Variants in ATAD1 observed in about 807,000 individuals in gnomAD.
ATAD1 encodes the protein ATPase family AAA domain containing 1, also known as outer mitochondrial transmembrane helix translocase.
Under a neutral mutation model 42.7 loss-of-function variants are expected in ATAD1, and 18 were observed. The observed-to-expected ratio is 0.42, with a 90% CI of 0.29 to 0.63. The LOEUF (loss-of-function observed/expected upper bound fraction) is 0.63, where lower values mean the gene tolerates loss of function less well. Among genes scored for constraint, ATAD1 ranks in the 20% least tolerant of loss-of-function variants. The probability of loss-of-function intolerance (pLI) is 0.19; values close to 1 mark genes in which losing one functional copy is unlikely to be tolerated. For synonymous variants in ATAD1, 132 were observed against 143.1 expected (o/e 0.92, Z 0.55); for missense variants, 294 against 440.4 (o/e 0.67, Z 2.98).
intron 1 of ATAD1, among the ~76,000 whole-genome samples, chr10:87,829,981 C>T (rs756799115): frequency 6.6e-6 from 1 of 152,144 alleles, no homozygotes; most frequent in Non-Finnish European, 1.5e-5. Context: ...CAAACAGCAT[C>T]ACATACTGCA....
chr10:87,803,871 A>G (rs947172993), intron 2 of ATAD1, among the ~76,000 whole-genome samples: 63 of 152,232 alleles, frequency 4.1e-4, no homozygotes, highest in African/African-American at 1.5e-3. Context: ...CCCAGCTCCT[A>G]TTGCTTTTCT....
intron 5 of ATAD1, among the ~76,000 whole-genome samples, chr10:87,783,806 T>C (rs1855684881): frequency 6.6e-6 from 1 of 151,858 alleles, no homozygotes; most frequent in Non-Finnish European, 1.5e-5. Context: ...CTATCTCATG[T>C]TATATATAAT....
intron 1 of ATAD1, among the ~76,000 whole-genome samples, chr10:87,835,804 A>C (rs1857919098): frequency 6.6e-6 from 1 of 151,326 alleles, no homozygotes; most frequent in Non-Finnish European, 1.5e-5. Context: ...TTAGTTTTTG[A>C]CTATGTGTCC....
intron 1 of ATAD1, among the ~76,000 whole-genome samples, chr10:87,830,170 C>T (rs745577333): frequency 1.3e-5 from 2 of 152,106 alleles, no homozygotes; most frequent in Non-Finnish European, 2.9e-5. Context: ...AGTGGGAAAG[C>T]AAATGCAAGC....
chr10:87,775,514 TA>T (rs5786793), intron 6 of ATAD1, among the ~76,000 whole-genome samples: 4,986 of 110,532 alleles, frequency 0.045, 122 homozygotes, highest in Non-Finnish European at 0.061. Context: ...AGTGATTCAT[TA>T]AAAAAAAAAA....
intron 2 of ATAD1, among the ~76,000 whole-genome samples, chr10:87,809,634 T>C (rs1857086659): frequency 6.6e-6 from 1 of 150,772 alleles, no homozygotes. Context: ...TTTTTTTTAT[T>C]TATTAATTTT....
At chr10:87,796,049 GA>G (rs1176834552) in intron 2 of ATAD1, among the ~76,000 whole-genome samples, 1 of 152,084 alleles carries the variant, frequency 6.6e-6, no homozygotes, top group Non-Finnish European at 1.5e-5. Context: ...CAAGGATTCT[GA>G]GTATGTAAGT....
At chr10:87,828,937 A>G (rs769075405) in intron 1 of ATAD1, among the ~76,000 whole-genome samples, 1 of 152,228 alleles carries the variant, frequency 6.6e-6, no homozygotes. Flanking sequence ...TAAGTTCACT[A>G]TTGAGACCTA....
In ATAD1 at chr10:87,751,734, A is replaced by G. The variant is rs1854030480; in HGVS notation, c.*2953T>C. On this transcript the variant is annotated 3_prime_UTR_variant, in exon 10 of 10. Transcript: ENST00000680024. ...CAGCTCTAGATGGAATTATTCTATG[A>G]CTTCATTTGAAGCACCCAGTTGGTG... The G allele has an allele frequency of 6.6e-6, 1 of 152,198 alleles. No homozygotes were observed. Among genetic ancestry groups the G allele is most frequent in the Non-Finnish European group, 1.5e-5 (1 of 68,022 alleles). 9.4% of individuals were successfully genotyped at this position (152,198 alleles called of 1,614,324 possible). A position where few individuals can be genotyped will look rare whatever the true frequency, so the allele number is the denominator to read the frequency against.
chr10:87,808,793 A>G (rs1395912575), intron 2 of ATAD1, among the ~76,000 whole-genome samples: 1 of 152,158 alleles, frequency 6.6e-6, no homozygotes, highest in Non-Finnish European at 1.5e-5. Flanking sequence ...TTTTTTCTAT[A>G]TTGCTGAATT....
chr10:87,805,858 C>G (rs531236571), intron 2 of ATAD1, among the ~76,000 whole-genome samples: 3 of 151,986 alleles, frequency 2.0e-5, no homozygotes, highest in African/African-American at 7.2e-5. Context: ...ATGGAAATTA[C>G]TCTCTCCAAG....
upstream of ATAD1, among the ~76,000 whole-genome samples, chr10:87,823,144 A>G (rs1395582876): frequency 2.0e-5 from 3 of 151,824 alleles, no homozygotes; most frequent in African/African-American, 7.2e-5. Context: ...CTGTAAATCT[A>G]CTTTCCATGG....
rs368947548 is a variant in ATAD1 at position 87,770,998 on chromosome 10, G to A, written c.734C>T (p.Ser245Leu). 41 of 1,613,366 alleles carry A rather than the reference G, an allele frequency of 2.5e-5. No individual in the cohort carries two copies. The highest frequency in any genetic ancestry group is 3.1e-5 in the Non-Finnish European group (37 of 1,179,672). ...GATNRPQDLD[S>L]AIMRRMPTRF... ...TGTAGGCATTCTTCTCATTATAGCC[G>A]AGTCAAGGTCCTGAGGACGATTGGT... Residue 245 changes from serine (S) to leucine (L), a missense_variant, in exon 7 of 10, where the codon TCG becomes TTG. Ser to Leu is a moderately radical substitution (Grantham distance 145, BLOSUM62 -2). This residue lies in a region of ATAD1 where 142 missense variants were observed against 174.6 expected (regional missense o/e 0.81). Transcript: ENST00000680024.
intron 2 of ATAD1, among the ~76,000 whole-genome samples, chr10:87,795,410 C>T (rs759885618): frequency 4.0e-5 from 6 of 150,136 alleles, no homozygotes; most frequent in Non-Finnish European, 7.4e-5. Context: ...TTTATGCATA[C>T]TTTCTTGTTT....
At chr10:87,779,789 T>C (rs1367915211) in intron 5 of ATAD1, among the ~76,000 whole-genome samples, 1 of 152,180 alleles carries the variant, frequency 6.6e-6, no homozygotes, top group Non-Finnish European at 1.5e-5. Context: ...TATATATCTA[T>C]TACAATAGCT....
chr10:87,783,197 TG>T (rs1855653296), intron 5 of ATAD1, among the ~76,000 whole-genome samples: 1 of 151,880 alleles, frequency 6.6e-6, no homozygotes, highest in Non-Finnish European at 1.5e-5. Flanking sequence ...CTGGGCAACA[TG>T]GAGAAACCCT....
chr10:87,770,485 G>A (rs910947278), intron 7 of ATAD1, among the ~76,000 whole-genome samples: 2 of 152,142 alleles, frequency 1.3e-5, no homozygotes, highest in African/African-American at 4.8e-5. Context: ...GGTAAACTAT[G>A]ATATCTACTG....
At chr10:87,807,997 A>G (rs779392661) in intron 2 of ATAD1, among the ~76,000 whole-genome samples, 2 of 152,146 alleles carry the variant, frequency 1.3e-5, no homozygotes, top group Non-Finnish European at 2.9e-5. Context: ...AATGTGTTGT[A>G]TGTCTTATGT....
In ATAD1 at chr10:87,770,938, T is replaced by C. The variant is rs374836218; in HGVS notation, c.780+14A>G. On this transcript the variant is annotated intron_variant, in intron 7 of 9. Transcript: ENST00000680024. Reference sequence around the variant, plus strand: ...AGTATTTAACTCTTCATAATATCAATCAAGACCACCTACAGGCTGGTTGAT... The same window carrying C: ...AGTATTTAACTCTTCATAATATCAACCAAGACCACCTACAGGCTGGTTGAT... 11 of 1,608,204 alleles carry C rather than the reference T, an allele frequency of 6.8e-6. No individual in the cohort carries two copies. Among genetic ancestry groups the C allele is most frequent in the Non-Finnish European group, 2.6e-6 (3 of 1,175,466 alleles).
Sources: gnomAD v4.1 joint callset for allele counts (sites outside exome capture counted in the v4.1 genomes callset) on GRCh38, gnomAD v4.1.1 for gene constraint, gnomAD v4.1.1 regional missense constraint, MANE v1.5 for transcripts, NCBI Gene and HGNC (gene_info 2026-07-23, HGNC 2026-07-21) for gene names.